Variants in SSUH2 observed in about 807,000 individuals in gnomAD.
The protein encoded by SSUH2 is ssu-2 homolog.
In SSUH2, 47 loss-of-function variants were observed where a neutral mutation model predicts 55.3. The observed-to-expected ratio is 0.85, with a 90% confidence interval of 0.67 to 1.08. The LOEUF is 1.08. SSUH2 is among the 50% of genes least tolerant of loss of function. The pLI, the probability that SSUH2 is intolerant of heterozygous loss-of-function variation, is 0.00. For synonymous variants in SSUH2, 212 were observed against 191.5 expected, an observed-to-expected ratio of 1.11 and a Z score of -0.89; for missense variants, 535 against 490.7, an observed-to-expected ratio of 1.09 and a Z score of -0.85.
chr3:8,639,362 C>T (rs1700455845), intron 1 of SSUH2, among the ~76,000 whole-genome samples: 1 of 152,138 alleles, frequency 6.6e-6, no homozygotes, highest in Non-Finnish European at 1.5e-5. Flanking sequence ...TTCCCTATTT[C>T]AGAGAAGAAT....
chr3:8,678,288 T>C (rs911924879), intron 2 of SSUH2, among the ~76,000 whole-genome samples: 4 of 152,044 alleles, frequency 2.6e-5, no homozygotes, highest in Non-Finnish European at 5.9e-5. Context: ...CCTTTGAATA[T>C]TGGGAAGAAT....
rs1280614506 is a variant in SSUH2 at position 8,678,924 on chromosome 3, A to C, written c.-901+781T>G. Reference sequence around the variant, plus strand: ...GGCACCCCCCGCCAGGCGGGGACTGAGAGCCAGCCACTCTTCCCCTCCTGG... The same window carrying C: ...GGCACCCCCCGCCAGGCGGGGACTGCGAGCCAGCCACTCTTCCCCTCCTGG... On this transcript the variant is annotated intron_variant, in intron 2 of 18. Coordinates refer to the SSUH2 transcript ENST00000317371. 4.6e-5 allele frequency among the ~76,000 whole-genome samples: 5 copies of C among 108,238 alleles called. 1 individual carries two copies. The highest frequency in any genetic ancestry group is 1.6e-4 in the African/African-American group (5 of 31,584). 71.0% of individuals were successfully genotyped at this position (108,238 alleles called of 152,430 possible). A position where few individuals can be genotyped will look rare whatever the true frequency, so the allele number is the denominator to read the frequency against.
chr3:8,679,271 GACCCCCATCGGAGGGGGGGAGC>G, intron 2 of SSUH2, among the ~76,000 whole-genome samples: 1 of 79,952 alleles, frequency 1.3e-5, no homozygotes, highest in Non-Finnish European at 2.8e-5. Context: ...TGGCTTTTAG[GACCCCCATCGGAGGGGGGGAGC>G]CACCCCCCAT....
chr3:8,659,774 G>C (rs911054246), intron 6 of SSUH2: 1 of 456,590 alleles, frequency 2.2e-6, no homozygotes, highest in South Asian at 1.6e-5. Context: ...TGTGTGCAGT[G>C]TAAGAGATAT....
chr3:8,619,735 TG>T lies in SSUH2; in HGVS notation c.*132del. The stretch of plus-strand genomic sequence containing the variant: ...GGTTGGAGCTTGATAGATGATAAGC[TG>T]GTTTTTCTGGAAGGACATGCCAGGG... On this transcript the variant is annotated 3_prime_UTR_variant, in exon 12 of 12. Transcript: ENST00000544814. 1 of 1,042,372 alleles carries T rather than the reference TG, an allele frequency of 9.6e-7. No individual in the cohort carries two copies. The highest frequency in any genetic ancestry group is 1.4e-6 in the Non-Finnish European group (1 of 724,384). 64.6% of individuals were successfully genotyped at this position (1,042,372 alleles called of 1,614,324 possible). A position where few individuals can be genotyped will look rare whatever the true frequency, so the allele number is the denominator to read the frequency against.
At chr3:8,644,708 G>T in intron 1 of SSUH2, 23 bp downstream of exon 1, 2 of 1,534,232 alleles carry the variant, frequency 1.3e-6, no homozygotes, top group Non-Finnish European at 8.7e-7. Context: ...AGTCTTCCGT[G>T]CCATCTTTGA....
chr3:8,627,598 T>C, intron 8 of SSUH2, 100 bp downstream of exon 8: 1 of 989,370 alleles, frequency 1.0e-6, no homozygotes, highest in Non-Finnish European at 1.5e-6. Context: ...GACACAGCAG[T>C]GACGAGACAG....
chr3:8,642,224 G>A (rs1017432682), intron 1 of SSUH2, among the ~76,000 whole-genome samples: 2 of 152,230 alleles, frequency 1.3e-5, no homozygotes, highest in Non-Finnish European at 2.9e-5. Flanking sequence ...TATAGAATAA[G>A]GGAGGGGATT....
chr3:8,642,142 T>G (rs1328025356), intron 1 of SSUH2, among the ~76,000 whole-genome samples: 1 of 152,192 alleles, frequency 6.6e-6, no homozygotes, highest in Non-Finnish European at 1.5e-5. Context: ...TGAAGAGGCT[T>G]TTGCTCACCA....
At chr3:8,654,554 CAT>C (rs1338534928) in intron 7 of SSUH2, among the ~76,000 whole-genome samples, 2 of 152,214 alleles carry the variant, frequency 1.3e-5, no homozygotes, top group African/African-American at 2.4e-5. Flanking sequence ...TATGTCTACA[CAT>C]GTGTGTGTGT....
In SSUH2 at chr3:8,623,638, A is replaced by G. The variant is rs755999223; in HGVS notation, c.892T>C (p.Phe298Leu). Residue 298 changes from phenylalanine to leucine, a missense_variant, in exon 11 of 12, where the codon TTC becomes CTC. By Grantham distance (22) the Phe-to-Leu change is conservative (BLOSUM62 0). Coordinates refer to ENST00000544814, the MANE Select transcript of SSUH2 (RefSeq NM_001256748.3). ...GCAAGAGAGATGTCTCGCAGAGGGA[A>G]GTCCACGATGGGGTACACCTGGGGG... ...ENSVVYPIVD[F>L]PLRDISLASQ... The G allele has an allele frequency of 1.3e-5, 20 of 1,535,030 alleles. No homozygotes were observed. The South Asian group carries it at 1.9e-4, about 15-fold the overall frequency.
At chr3:8,668,990 G>C (rs1263771492) in intron 5 of SSUH2, among the ~76,000 whole-genome samples, 1 of 151,780 alleles carries the variant, frequency 6.6e-6, no homozygotes, top group East Asian at 1.9e-4. Flanking sequence ...GAAGGAAGGA[G>C]GAAGAGAGGA....
upstream of SSUH2, among the ~76,000 whole-genome samples, chr3:8,649,237 A>G (rs1575266790): frequency 6.6e-6 from 1 of 152,312 alleles, no homozygotes; most frequent in Admixed American, 6.5e-5. Context: ...TGCCTGCAAC[A>G]GGAACTTTCG....
chr3:8,625,989 G>A (rs778671651), intron 9 of SSUH2, among the ~76,000 whole-genome samples: 1 of 152,190 alleles, frequency 6.6e-6, no homozygotes, highest in East Asian at 1.9e-4. Context: ...GTTGTGGAGC[G>A]GCTGCTGCCC....
chr3:8,647,425 A>C (rs1028297798), upstream of SSUH2, among the ~76,000 whole-genome samples: 5 of 152,236 alleles, frequency 3.3e-5, no homozygotes, highest in African/African-American at 1.2e-4. Context: ...GGGTGTGAGC[A>C]ATAGTAGAAC....
Position 8,679,284 on chromosome 3 carries a change from G to GC in SSUH2, c.-901+420_-901+421insG, listed in dbSNP as rs540811691. 1.6e-4 allele frequency among the ~76,000 whole-genome samples: 17 copies of GC among 106,970 alleles called. 2 individuals carry two copies. The East Asian group carries it at 2.3e-3, about 14-fold the overall frequency. The allele number at this position is 106,970 out of a possible 152,430, so 70.2% of individuals were successfully genotyped here. ...CCTGGCTTTTAGGACCCCCATCGGAGGGGGGGAGCCACCCCCCATGAGGCG... is the reference window on the plus strand; with the variant it reads ...CCTGGCTTTTAGGACCCCCATCGGAGCGGGGGGAGCCACCCCCCATGAGGCG... On this transcript the variant is annotated intron_variant, in intron 2 of 18. Transcript: ENST00000317371.
At chr3:8,638,023 G>A (rs1330285414) in intron 1 of SSUH2, among the ~76,000 whole-genome samples, 1 of 152,270 alleles carries the variant, frequency 6.6e-6, no homozygotes, top group Non-Finnish European at 1.5e-5. Context: ...TGGTGGGTCC[G>A]ATTTGGCCCT....
chr3:8,659,799 T>C (rs1384114527), intron 6 of SSUH2: 2 of 456,406 alleles, frequency 4.4e-6, no homozygotes, highest in East Asian at 7.0e-5. Context: ...ATTCATCAGA[T>C]ACCTGCAGTC....
chr3:8,645,708 C>T (rs1575237678), upstream of SSUH2, among the ~76,000 whole-genome samples: 1 of 152,170 alleles, frequency 6.6e-6, no homozygotes, highest in Non-Finnish European at 1.5e-5. Flanking sequence ...TCAATGACAA[C>T]CTGGGATTGC....
Sources: gnomAD v4.1 joint callset for allele counts (sites outside exome capture counted in the v4.1 genomes callset) on GRCh38, gnomAD v4.1.1 for gene constraint, MANE v1.5 for transcripts, NCBI Gene and HGNC (gene_info 2026-07-23, HGNC 2026-07-21) for gene names.